The following SLC39A11 variants were observed in gnomAD, a reference collection of about 807,000 sequenced individuals.
SLC39A11 encodes solute carrier family 39 member 11, also known as zinc transporter ZIP11.
SLC39A11 carries 33 observed loss-of-function variants against 36.1 expected under a neutral mutation model. The observed-to-expected ratio is 0.91, with a 90% CI of 0.69 to 1.22. The LOEUF (loss-of-function observed/expected upper bound fraction) is 1.22. Among genes scored for constraint, SLC39A11 ranks in the 50% most tolerant of loss-of-function variants. The pLI is 0.00. For synonymous variants in SLC39A11, 166 were observed against 170.3 expected, an observed-to-expected ratio of 0.97 and a Z score of 0.20; for missense variants, 432 against 430.3, an observed-to-expected ratio of 1.00 and a Z score of -0.03.
intron 5 of SLC39A11, among the ~76,000 whole-genome samples, chr17:72,893,954 T>C (rs2081893696): frequency 6.6e-6 from 1 of 152,194 alleles, no homozygotes; most frequent in African/African-American, 2.4e-5. Context: ...GTGCTAGGGA[T>C]ATACAGACAG....
intron 4 of SLC39A11, among the ~76,000 whole-genome samples, chr17:73,010,125 C>G (rs2148491605): frequency 6.6e-6 from 1 of 152,144 alleles, no homozygotes; most frequent in East Asian, 2.0e-4. Context: ...GCATCTAAGT[C>G]CCCTGGAGAT....
intron 5 of SLC39A11, among the ~76,000 whole-genome samples, chr17:72,895,831 T>C (rs1382516076): frequency 6.6e-6 from 1 of 152,230 alleles, no homozygotes; most frequent in Non-Finnish European, 1.5e-5. Context: ...ACTCCTTCTC[T>C]GTGAAGAATA....
chr17:73,086,154 G>C (rs2060722429), intron 2 of SLC39A11, among the ~76,000 whole-genome samples: 1 of 152,196 alleles, frequency 6.6e-6, no homozygotes, highest in Non-Finnish European at 1.5e-5. Context: ...GAAGGCTCCT[G>C]ATTGGAAGGG....
At chr17:72,779,136 A>T (rs1312725249) in intron 6 of SLC39A11, among the ~76,000 whole-genome samples, 1 of 152,206 alleles carries the variant, frequency 6.6e-6, no homozygotes. Context: ...TCCAGTTGGC[A>T]GGATGGCCTC....
chr17:72,920,069 G>A (rs576038785), intron 5 of SLC39A11, among the ~76,000 whole-genome samples: 2 of 152,206 alleles, frequency 1.3e-5, no homozygotes, highest in African/African-American at 4.8e-5. Flanking sequence ...TTTCAAAAGG[G>A]CTCCTCTTTT....
intron 5 of SLC39A11, among the ~76,000 whole-genome samples, chr17:72,864,023 T>C (rs969996295): frequency 1.3e-5 from 2 of 152,148 alleles, no homozygotes. Context: ...CCTCTCACCA[T>C]ACTCAAGCAA....
rs181590966 is a variant in SLC39A11 at position 72,848,676 on chromosome 17, G to A, written c.601+958C>T. On this transcript the variant is annotated intron_variant, in intron 6 of 9. Transcript: ENST00000255559. The stretch of plus-strand genomic sequence containing the variant: ...GCAGAGGCTGCAGTAAGCCAAGATC[G>A]CTCCACTGCACTCCAGCCTGGGGGA... 1.8e-3 allele frequency among the ~76,000 whole-genome samples: 276 copies of A among 150,304 alleles called. 1 individual carries two copies. The highest frequency in any genetic ancestry group is 3.6e-3 in the South Asian group (17 of 4,780).
chr17:73,075,868 C>T (rs1461861892), intron 3 of SLC39A11, among the ~76,000 whole-genome samples: 1 of 152,128 alleles, frequency 6.6e-6, no homozygotes, highest in Non-Finnish European at 1.5e-5. Context: ...AATCCCAGAT[C>T]TGCTCACCAT....
intron 7 of SLC39A11, among the ~76,000 whole-genome samples, chr17:72,709,989 T>G (rs974526085): frequency 2.0e-5 from 3 of 152,236 alleles, no homozygotes; most frequent in Non-Finnish European, 2.9e-5. Context: ...TAATTTTGAT[T>G]GTTGCTCCTG....
In SLC39A11 at chr17:72,652,217, C is replaced by A. The variant is rs975987506; in HGVS notation, c.672-2949G>T. On this transcript the variant is annotated intron_variant, in intron 7 of 9. Transcript: ENST00000255559. ...TGGCCCATGGGCTGCAGTTTGCTGA[C>A]CCCTGCCCTGATAGCTCAGTGGCTG... Among the ~76,000 whole-genome samples, 7 of 152,330 alleles carry A rather than the reference C, an allele frequency of 4.6e-5. 1 individual carries two copies. The Middle Eastern group carries it at 0.014, about 296-fold the overall frequency.
At chr17:73,000,858 AG>A (rs2089780935) in intron 4 of SLC39A11, among the ~76,000 whole-genome samples, 1 of 152,222 alleles carries the variant, frequency 6.6e-6, no homozygotes, top group Non-Finnish European at 1.5e-5. Flanking sequence ...AGGCTCTGCA[AG>A]TCAAGGATAT....
intron 4 of SLC39A11, among the ~76,000 whole-genome samples, chr17:73,023,721 C>T (rs1356995737): frequency 6.6e-6 from 1 of 152,202 alleles, no homozygotes; most frequent in Non-Finnish European, 1.5e-5. Context: ...GATCTCCTGA[C>T]TGCGTGATCC....
At chr17:72,657,290 G>A (rs1006387288) in intron 7 of SLC39A11, among the ~76,000 whole-genome samples, 5 of 152,190 alleles carry the variant, frequency 3.3e-5, no homozygotes, top group Non-Finnish European at 5.9e-5. Flanking sequence ...AACCCGGGAG[G>A]CAGAGGTTAC....
chr17:72,864,834 T>G (rs2080220816), intron 5 of SLC39A11, among the ~76,000 whole-genome samples: 1 of 152,118 alleles, frequency 6.6e-6, no homozygotes, highest in South Asian at 2.1e-4. Flanking sequence ...AAGTTATAAG[T>G]CTTGAAAAAG....
chr17:73,047,029 T>TTA (rs1555692917), intron 3 of SLC39A11, among the ~76,000 whole-genome samples: 3 of 147,616 alleles, frequency 2.0e-5, no homozygotes, highest in Non-Finnish European at 3.0e-5. Context: ...TTTTATTTAT[T>TTA]TTTTTTTTTT....
chr17:72,978,728 G>A (rs1351731594), intron 4 of SLC39A11, among the ~76,000 whole-genome samples: 1 of 152,112 alleles, frequency 6.6e-6, no homozygotes, highest in Non-Finnish European at 1.5e-5. Context: ...GCCTTAGGCT[G>A]GGGTGGAAAG....
At chr17:72,691,038 C>T (rs1350328256) in intron 7 of SLC39A11, among the ~76,000 whole-genome samples, 1 of 152,192 alleles carries the variant, frequency 6.6e-6, no homozygotes, top group Non-Finnish European at 1.5e-5. Context: ...TATAGGAGGA[C>T]TCTCAAAGGC....
chr17:72,957,071 G>A (rs142913542), intron 4 of SLC39A11, among the ~76,000 whole-genome samples: 217 of 152,194 alleles, frequency 1.4e-3, no homozygotes, highest in Non-Finnish European at 2.6e-3. Flanking sequence ...ATTCTTCTTG[G>A]TGGGGCCTGT....
At chr17:72,839,794 T>G (rs1354900850) in intron 6 of SLC39A11, 2 of 152,230 alleles carry the variant, frequency 1.3e-5, no homozygotes, top group African/African-American at 4.8e-5. Context: ...ATCTCTCTAC[T>G]TCTGTGCATA....
Sources: gnomAD v4.1 joint callset for allele counts (sites outside exome capture counted in the v4.1 genomes callset) on GRCh38, gnomAD v4.1.1 for gene constraint, MANE v1.5 for transcripts, NCBI Gene and HGNC (gene_info 2026-07-23, HGNC 2026-07-21) for gene names.